The following NRXN3 variants were observed in gnomAD, a reference collection of about 807,000 sequenced individuals.
NRXN3 encodes the protein neurexin 3, also known as neurexin III.
NRXN3 carries 32 observed loss-of-function variants against 137.6 expected under a neutral mutation model. The ratio of observed to expected loss-of-function variants is 0.23; its 90% CI spans 0.18 to 0.31. NRXN3 has a LOEUF of 0.31. Among genes scored for constraint, NRXN3 ranks in the 10% least tolerant of loss-of-function variants. NRXN3 has a pLI of 1.00. For synonymous variants in NRXN3, 798 were observed against 784.5 expected, an observed-to-expected ratio of 1.02 and a Z score of -0.29; for missense variants, 1,574 against 2,062.5, an observed-to-expected ratio of 0.76 and a Z score of 4.59.
chr14:79,236,417 G>T (rs2073376563), intron 15 of NRXN3, among the ~76,000 whole-genome samples: 1 of 152,008 alleles, frequency 6.6e-6, no homozygotes, highest in African/African-American at 2.4e-5. Context: ...ATAAGCGTTA[G>T]ACACTATTAT....
intron 4 of NRXN3, among the ~76,000 whole-genome samples, chr14:78,522,164 A>G (rs1442658705): frequency 6.6e-6 from 1 of 152,192 alleles, no homozygotes; most frequent in Non-Finnish European, 1.5e-5. Flanking sequence ...TATTTACTAC[A>G]TATCTACTAT....
At chr14:79,436,278 T>C (rs758840614) in intron 15 of NRXN3, among the ~76,000 whole-genome samples, 5 of 152,240 alleles carry the variant, frequency 3.3e-5, no homozygotes, top group Non-Finnish European at 4.4e-5. Flanking sequence ...ATAAGAATAG[T>C]AGTAGTTATT....
chr14:78,282,831 G>A (rs2074599421), intron 3 of NRXN3, among the ~76,000 whole-genome samples: 1 of 152,238 alleles, frequency 6.6e-6, no homozygotes, highest in Non-Finnish European at 1.5e-5. Flanking sequence ...CTTGGAGACA[G>A]CTCTAGTCTG....
intron 15 of NRXN3, among the ~76,000 whole-genome samples, chr14:79,378,037 T>C (rs1364196986): frequency 6.6e-6 from 1 of 152,180 alleles, no homozygotes; most frequent in Non-Finnish European, 1.5e-5. Context: ...TAAACACTTG[T>C]CATGGCCTCA....
At chr14:79,550,730 G>A (rs983408392) in intron 16 of NRXN3, among the ~76,000 whole-genome samples, 1 of 151,994 alleles carries the variant, frequency 6.6e-6, no homozygotes, top group Non-Finnish European at 1.5e-5. Context: ...ACCTGGACAG[G>A]GGCACCCAAA....
At chr14:78,177,265 G>A (rs893625790) in intron 1 of NRXN3, among the ~76,000 whole-genome samples, 4 of 152,192 alleles carry the variant, frequency 2.6e-5, no homozygotes, top group African/African-American at 9.6e-5. Flanking sequence ...TGGGGGGCAT[G>A]ATGTCATACA....
chr14:78,431,431 A>T (rs1157563773), intron 4 of NRXN3, among the ~76,000 whole-genome samples: 2 of 152,178 alleles, frequency 1.3e-5, no homozygotes, highest in African/African-American at 4.8e-5. Flanking sequence ...TATAGGAATG[A>T]GTGGGATTAT....
intron 3 of NRXN3, among the ~76,000 whole-genome samples, chr14:78,291,857 C>T (rs1298052331): frequency 1.3e-5 from 2 of 152,176 alleles, no homozygotes; most frequent in East Asian, 1.9e-4. Flanking sequence ...ACTCTGAAAG[C>T]GAGTGAAATA....
At chr14:79,153,754 G>T (rs550245905) in intron 15 of NRXN3, among the ~76,000 whole-genome samples, 18 of 152,048 alleles carry the variant, frequency 1.2e-4, no homozygotes, top group Admixed American at 5.2e-4. Flanking sequence ...ATCAGAGCTT[G>T]TTCCTTCCCC....
chr14:78,772,836 T>C (rs565086513), intron 8 of NRXN3, among the ~76,000 whole-genome samples: 22 of 152,332 alleles, frequency 1.4e-4, no homozygotes, highest in African/African-American at 4.8e-4. Flanking sequence ...TGTGCTACTT[T>C]AAAATTTTGT....
Position 78,967,233 on chromosome 14 carries a change from G to A in NRXN3, c.2803G>A (p.Gly935Arg), listed in dbSNP as rs753455265. ...KGYIHYVFDL[G>R]NGPNVIKGNS... is the part of the protein sequence containing the mutation. ...GTATATACACTACGTTTTTGACCTC[G>A]GAAACGGTCCCAATGTGATCAAAGG... The change falls in exon 13 of 21, where the codon GGA (glycine) becomes AGA (arginine). Residue 935 changes from glycine to arginine, a missense_variant. Coordinates refer to ENST00000335750, the MANE Select transcript of NRXN3 (RefSeq NM_001330195.2). 1.9e-6 allele frequency: 3 copies of A among 1,610,332 alleles called. No individual in the cohort carries two copies. The highest frequency in any genetic ancestry group is 1.1e-5 in the South Asian group (1 of 90,856).
At chr14:78,512,885 C>T (rs2096135217) in intron 4 of NRXN3, among the ~76,000 whole-genome samples, 1 of 152,198 alleles carries the variant, frequency 6.6e-6, no homozygotes, top group African/African-American at 2.4e-5. Flanking sequence ...TCTAGGGCAT[C>T]TGTCATTGAG....
intron 19 of NRXN3, among the ~76,000 whole-genome samples, chr14:79,729,816 C>G (rs2098915130): frequency 1.3e-5 from 2 of 152,176 alleles, no homozygotes; most frequent in South Asian, 4.2e-4. Context: ...ATCCTGGATT[C>G]GAGTGAGTGC....
Position 79,861,233 on chromosome 14 carries a change from G to A in NRXN3, c.4094-109G>A. 1 of 1,535,422 alleles carries A rather than the reference G, an allele frequency of 6.5e-7. No homozygotes were observed. The highest frequency in any genetic ancestry group is 8.7e-7 in the Non-Finnish European group (1 of 1,146,526). Reference sequence around the variant, plus strand: ...GTCGGACCAAGGCAGCGATGGTTGTGATGATGATGGCTTGGTGATATCTGG... The same window carrying A: ...GTCGGACCAAGGCAGCGATGGTTGTAATGATGATGGCTTGGTGATATCTGG... On this transcript the variant is annotated intron_variant, in intron 20 of 20. Coordinates refer to ENST00000335750, the MANE Select transcript of NRXN3 (RefSeq NM_001330195.2). The surrounding 1 kb of genome is among the most constrained non-coding windows in gnomAD (Gnocchi z 5.4).
At chr14:79,680,504 G>A (rs2098664806) in intron 17 of NRXN3, among the ~76,000 whole-genome samples, 1 of 151,856 alleles carries the variant, frequency 6.6e-6, no homozygotes, top group African/African-American at 2.4e-5. Flanking sequence ...TGAGAGTTTT[G>A]GTTTGTTTCT....
At chr14:79,595,068 T>C (rs868186711) in intron 16 of NRXN3, among the ~76,000 whole-genome samples, 32 of 152,222 alleles carry the variant, frequency 2.1e-4, no homozygotes, top group African/African-American at 7.2e-4. Context: ...AGTGCTTGAT[T>C]TTCTAGACCA....
chr14:79,459,021 G>A (rs910874448), intron 15 of NRXN3, among the ~76,000 whole-genome samples: 5 of 150,934 alleles, frequency 3.3e-5, no homozygotes, highest in African/African-American at 9.9e-5. Flanking sequence ...GAAAGCCATT[G>A]TCCTTCTTTC....
At chr14:78,476,204 T>A (rs1023658503) in intron 4 of NRXN3, among the ~76,000 whole-genome samples, 3 of 152,180 alleles carry the variant, frequency 2.0e-5, no homozygotes, top group Non-Finnish European at 4.4e-5. Context: ...CAGTGCCTAA[T>A]TTTTTTAGGC....
At chr14:79,033,210 A>C (rs2152498830) in intron 15 of NRXN3, among the ~76,000 whole-genome samples, 1 of 152,098 alleles carries the variant, frequency 6.6e-6, no homozygotes, top group South Asian at 2.1e-4. Context: ...GCCCCTCTTA[A>C]ATGCAGGGTT....
Sources: allele counts gnomAD v4.1 joint callset (sites outside exome capture counted in the v4.1 genomes callset), GRCh38; gene constraint gnomAD v4.1.1; non-coding constraint Gnocchi (gnomAD v3.1); transcripts MANE v1.5; gene names NCBI Gene and HGNC (gene_info 2026-07-23, HGNC 2026-07-21).